The following PGR variants were observed in gnomAD, a reference collection of about 807,000 sequenced individuals.
PGR encodes nuclear receptor subfamily 3 group C member 3.
In PGR, 25 loss-of-function variants were observed where a neutral mutation model predicts 76.1. The observed-to-expected ratio is 0.33, with a 90% CI of 0.24 to 0.46. The LOEUF (loss-of-function observed/expected upper bound fraction) is 0.46, where lower values mean the gene tolerates loss of function less well. PGR is among the 20% of genes least tolerant of loss of function. PGR has a pLI of 1.00. For synonymous variants in PGR, 579 were observed against 535.0 expected, an observed-to-expected ratio of 1.08 and a Z score of -1.14; for missense variants, 1,172 against 1,225.3, an observed-to-expected ratio of 0.96 and a Z score of 0.65.
chr11:101,057,218 C>G (rs1290011788), intron 4 of PGR, among the ~76,000 whole-genome samples: 1 of 152,034 alleles, frequency 6.6e-6, no homozygotes, highest in African/African-American at 2.4e-5. Flanking sequence ...GAAATCTTCC[C>G]AGAGCAAGTG....
intron 2 of PGR, among the ~76,000 whole-genome samples, chr11:101,103,587 A>T (rs765110920): frequency 9.2e-5 from 14 of 152,150 alleles, no homozygotes; most frequent in Non-Finnish European, 1.8e-4. Context: ...ATATAAGAAT[A>T]TATGTTATCT....
At position 101,091,724 on chromosome 11, in the gene PGR, T is replaced by C. The variant is rs186687512; in HGVS notation, c.1906+36A>G. On this transcript the variant is annotated intron_variant, in intron 3 of 7. Coordinates refer to ENST00000325455, the MANE Select transcript of PGR (RefSeq NM_000926.4). ...ACACACAGTTTTATAGTATAAAGAT[T>C]ACACAGTATATTATTGATGAAAACA... 3.0e-4 allele frequency: 297 copies of C among 990,324 alleles called. No homozygotes were observed. The African/African-American group carries it at 4.1e-3, about 14-fold the overall frequency. The allele number at this position is 990,324 out of a possible 1,614,324, so 61.3% of individuals were successfully genotyped here. A position where few individuals can be genotyped will look rare whatever the true frequency, so the allele number is the denominator to read the frequency against.
At chr11:101,120,582 T>C (rs1862642477) in intron 2 of PGR, among the ~76,000 whole-genome samples, 1 of 152,182 alleles carries the variant, frequency 6.6e-6, no homozygotes, top group Non-Finnish European at 1.5e-5. Context: ...CAATAGAGCT[T>C]CAAGTCATTT....
Position 101,030,247 on chromosome 11 carries a change from C to T in PGR, c.*8869G>A, listed in dbSNP as rs11224558. On this transcript the variant is annotated 3_prime_UTR_variant, in exon 8 of 8. Transcript: ENST00000325455. ...TAACACTAGTTTTACTAATAAGCAA[C>T]GGGGTAGATAACTTTGAAGATTGCA... 0.19 allele frequency: 41,246 copies of T among 222,778 alleles called. 6,700 individuals are homozygous for T. The highest frequency in any genetic ancestry group is 0.74 in the East Asian group (11,226 of 15,200). 13.8% of individuals were successfully genotyped at this position (222,778 alleles called of 1,614,324 possible). A position where few individuals can be genotyped will look rare whatever the true frequency, so the allele number is the denominator to read the frequency against.
chr11:101,045,928 C>G (rs967039256), intron 6 of PGR, among the ~76,000 whole-genome samples: 2 of 151,882 alleles, frequency 1.3e-5, no homozygotes, highest in African/African-American at 4.8e-5. Context: ...ATATGGTGTT[C>G]CATAGAGGCT....
At chr11:101,114,486 C>G (rs533287222) in intron 2 of PGR, among the ~76,000 whole-genome samples, 197 of 152,064 alleles carry the variant, frequency 1.3e-3, no homozygotes, top group Non-Finnish European at 2.1e-3. Flanking sequence ...ATAATACAAA[C>G]AATTTGAAAT....
In PGR at chr11:101,126,154, C is replaced by A. The variant is rs748798054; in HGVS notation, c.1642G>T (p.Asp548Tyr). The change falls in exon 2 of 8, where the codon GAT (aspartate) becomes TAT (tyrosine). Residue 548 changes from aspartate (D) to tyrosine (Y), a missense_variant. Asp to Tyr is a radical substitution (Grantham distance 160, BLOSUM62 -3). Coordinates refer to ENST00000325455, the MANE Select transcript of PGR (RefSeq NM_000926.4). ...YPPYLNYLRP[D>Y]SEASQSPQYS... ...TGTGGGCTCTGGCTGGCTTCTGAAT[C>A]CGGCCTTGAAATGCAAAACAAAGTA... is the stretch of plus-strand genomic sequence containing the variant. The A allele has an allele frequency of 2.5e-6, 4 of 1,614,040 alleles. No individual in the cohort carries two copies. In the East Asian group the frequency reaches 8.9e-5, roughly 36 times the overall value.
chr11:101,046,336 T>TA (rs1565330043), intron 6 of PGR, among the ~76,000 whole-genome samples: 5 of 93,932 alleles, frequency 5.3e-5, no homozygotes, highest in Admixed American at 1.3e-4. Context: ...TTTTTTTTTT[T>TA]AGAGACGGGG....
intron 1 of PGR, 37 bp from the exon 2 acceptor site, chr11:101,126,195 A>G: frequency 6.2e-7 from 1 of 1,603,646 alleles, no homozygotes; most frequent in Non-Finnish European, 8.5e-7. Flanking sequence ...TTTATTTTTA[A>G]GTGCACCACT....
intron 3 of PGR, among the ~76,000 whole-genome samples, chr11:101,085,525 T>TAAAAAAAAAAAAAAAAAAAAAAAAA (rs1212568882): frequency 2.4e-5 from 1 of 42,276 alleles, no homozygotes; most frequent in African/African-American, 1.1e-4. Flanking sequence ...CTAGAGGAAC[T>TAAAAAAAAAAAAAAAAAAAAAAAAA]AAAAAAAAAA....
Position 101,032,937 on chromosome 11 carries a change from T to A in PGR, c.*6179A>T, listed in dbSNP as rs1441935798. On this transcript the variant is annotated 3_prime_UTR_variant, in exon 8 of 8. Transcript: ENST00000325455. Reference sequence around the variant, plus strand: ...TAAAATGATGCCTAAAGTAAGACTTTTCAACAAAAAATAATTAATTTAATG... The same window carrying A: ...TAAAATGATGCCTAAAGTAAGACTTATCAACAAAAAATAATTAATTTAATG... 5.4e-6 allele frequency: 1 copy of A among 186,016 alleles called. No homozygotes were observed. Among genetic ancestry groups the A allele is most frequent in the African/African-American group, 2.3e-5 (1 of 42,708 alleles). The allele number at this position is 186,016 out of a possible 1,614,324, so 11.5% of individuals were successfully genotyped here. A position where few individuals can be genotyped will look rare whatever the true frequency, so the allele number is the denominator to read the frequency against.
intron 7 of PGR, among the ~76,000 whole-genome samples, chr11:101,041,305 T>C (rs1859687148): frequency 6.6e-6 from 1 of 152,134 alleles, no homozygotes; most frequent in Non-Finnish European, 1.5e-5. Context: ...CATTTTAATG[T>C]GATCTGAACA....
chr11:101,098,344 A>G (rs746528363), intron 2 of PGR, among the ~76,000 whole-genome samples: 1 of 152,222 alleles, frequency 6.6e-6, no homozygotes, highest in Non-Finnish European at 1.5e-5. Flanking sequence ...GAGAGAGTTC[A>G]CAATTTTTCA....
chr11:101,051,567 A>T lies in PGR; in HGVS notation c.2214T>A (p.Gly738=). Reference sequence around the variant, plus strand: ...GGTCATCAATATGTAAGTTTCGAAAACCTACAAAACAAATTTAAAAATACA... The same window carrying T: ...GGTCATCAATATGTAAGTTTCGAAATCCTACAAAACAAATTTAAAAATACA... ...SVVKWSKSLP[G]FRNLHIDDQI... Residue 738 remains glycine, a splice_region_variant and synonymous_variant, in exon 5 of 8, where the codon GGT becomes GGA. Transcript: ENST00000325455. 6.2e-7 allele frequency: 1 copy of T among 1,600,522 alleles called. No homozygotes were observed. The highest frequency in any genetic ancestry group is 8.6e-7 in the Non-Finnish European group (1 of 1,168,392).
intron 3 of PGR, among the ~76,000 whole-genome samples, chr11:101,078,079 C>G (rs1861182038): frequency 6.6e-6 from 1 of 152,052 alleles, no homozygotes; most frequent in South Asian, 2.1e-4. Context: ...TGTTGGCTGT[C>G]AAGTGTAGGA....
chr11:101,085,465 C>T (rs947723114), intron 3 of PGR, among the ~76,000 whole-genome samples: 2 of 144,868 alleles, frequency 1.4e-5, no homozygotes, highest in African/African-American at 2.6e-5. Flanking sequence ...GCTCTAAATG[C>T]CTACCTCAAA....
chr11:101,062,348 T>TAC, intron 4 of PGR, 99 bp downstream of exon 4: 1 of 880,892 alleles, frequency 1.1e-6, no homozygotes, highest in Non-Finnish European at 1.8e-6. Flanking sequence ...TTTTATATTG[T>TAC]AGTTAATTTA....
chr11:101,104,803 C>A (rs1017051258), intron 2 of PGR, among the ~76,000 whole-genome samples: 4 of 151,754 alleles, frequency 2.6e-5, no homozygotes, highest in Admixed American at 6.6e-5. Flanking sequence ...TTTTTTTCAG[C>A]AAATAAATTT....
rs1859437872 is a variant in PGR at position 101,034,195 on chromosome 11, C to T, written c.*4921G>A. The T allele has an allele frequency of 4.5e-6, 1 of 223,546 alleles. No homozygotes were observed. The highest frequency in any genetic ancestry group is 8.9e-6 in the Non-Finnish European group (1 of 111,948). The allele number at this position is 223,546 out of a possible 1,614,324, so 13.8% of individuals were successfully genotyped here. The stretch of plus-strand genomic sequence containing the variant: ...ATGAGTGGAAAAAAAGCAAACAAAC[C>T]TGTGTTTAACAATAAGGTCAGCATG... On this transcript the variant is annotated 3_prime_UTR_variant, in exon 8 of 8. Transcript: ENST00000325455.
Sources: gnomAD v4.1 joint callset for allele counts (sites outside exome capture counted in the v4.1 genomes callset) on GRCh38, gnomAD v4.1.1 for gene constraint, MANE v1.5 for transcripts, NCBI Gene and HGNC (gene_info 2026-07-23, HGNC 2026-07-21) for gene names.